Variants in PLD3 observed in about 807,000 individuals in gnomAD.
The protein encoded by PLD3 is 5'-3' exonuclease PLD3.
In PLD3, 31 loss-of-function variants were observed where a neutral mutation model predicts 58.4. The observed-to-expected ratio is 0.53, with a 90% CI of 0.40 to 0.72. The LOEUF is 0.72. Ranked by LOEUF, PLD3 falls within the 30% of genes least tolerant of loss-of-function variation. The pLI, the probability that PLD3 is intolerant of heterozygous loss-of-function variation, is 0.00. For missense variants in PLD3, 595 were observed against 659.8 expected (o/e 0.90, Z 1.08); for synonymous variants, 264 against 273.4 (o/e 0.97, Z 0.34).
chr19:40,374,086 G>A (rs1600334562), intron 9 of PLD3, among the ~76,000 whole-genome samples: 1 of 151,830 alleles, frequency 6.6e-6, no homozygotes, highest in East Asian at 1.9e-4. Flanking sequence ...CCAGATTCCT[G>A]GACCCCACCC....
chr19:40,369,670 G>A (rs1361864174), intron 6 of PLD3, among the ~76,000 whole-genome samples: 2 of 152,224 alleles, frequency 1.3e-5, no homozygotes, highest in Non-Finnish European at 2.9e-5. Flanking sequence ...AGGGGCAGGA[G>A]GGGTCAGGAG....
At chr19:40,365,535 G>A (rs1257015642) in intron 1 of PLD3, 183 bp from the exon 2 acceptor site, 5 of 152,112 alleles carry the variant, frequency 3.3e-5, no homozygotes, top group African/African-American at 9.7e-5. Flanking sequence ...TTTCATTTAT[G>A]TATTTATTTT....
At chr19:40,365,377 T>C (rs1176000829) in intron 1 of PLD3, among the ~76,000 whole-genome samples, 1 of 152,136 alleles carries the variant, frequency 6.6e-6, no homozygotes, top group African/African-American at 2.4e-5. Flanking sequence ...AAAATCTAAA[T>C]AGACTCCAAC....
intron 1 of PLD3, among the ~76,000 whole-genome samples, chr19:40,363,459 G>A (rs1320782075): frequency 3.3e-5 from 5 of 152,016 alleles, no homozygotes; most frequent in East Asian, 1.9e-4. Context: ...ACGGAGTCTC[G>A]CTCTGTTTTA....
chr19:40,369,312 G>A (rs969791206), intron 6 of PLD3, among the ~76,000 whole-genome samples: 1 of 151,758 alleles, frequency 6.6e-6, no homozygotes, highest in Non-Finnish European at 1.5e-5. Flanking sequence ...CGGAATGCTT[G>A]AGCCCAGGGA....
intron 10 of PLD3, chr19:40,376,396 G>C: frequency 3.8e-6 from 2 of 529,226 alleles, no homozygotes; most frequent in South Asian, 5.5e-5. Flanking sequence ...ACAACACTGG[G>C]TTTTGGGGAG....
chr19:40,349,814 C>T (rs796766947), intron 1 of PLD3, among the ~76,000 whole-genome samples: 8 of 150,088 alleles, frequency 5.3e-5, no homozygotes, highest in African/African-American at 1.7e-4. Context: ...CAAAATTAGC[C>T]GGGCGTGGTG....
intron 1 of PLD3, among the ~76,000 whole-genome samples, chr19:40,352,090 G>A (rs557684633): frequency 5.6e-4 from 85 of 152,210 alleles, no homozygotes; most frequent in African/African-American, 1.9e-3. Context: ...TGACCAACAT[G>A]GTGAAACCTC....
chr19:40,367,622 C>T (rs770736169), intron 5 of PLD3, 74 bp from the exon 6 acceptor site: 12 of 1,296,418 alleles, frequency 9.3e-6, no homozygotes, highest in South Asian at 2.7e-5. Context: ...CACCCATGGA[C>T]GGACAGCTGA....
At chr19:40,369,563 G>A (rs886922897) in intron 6 of PLD3, among the ~76,000 whole-genome samples, 3 of 152,026 alleles carry the variant, frequency 2.0e-5, no homozygotes, top group African/African-American at 7.2e-5. Flanking sequence ...TGCCTCACCC[G>A]ATACCTTCCA....
chr19:40,361,046 C>T (rs992390364), intron 1 of PLD3, among the ~76,000 whole-genome samples: 9 of 152,252 alleles, frequency 5.9e-5, no homozygotes, highest in South Asian at 4.2e-4. Context: ...CTGTGCGAGG[C>T]CAAGGCAGGA....
At chr19:40,360,672 C>T (rs1373002942) in intron 1 of PLD3, 1 of 151,982 alleles carries the variant, frequency 6.6e-6, no homozygotes, top group Non-Finnish European at 1.5e-5. Context: ...CCATGCGCCT[C>T]CAGAAGCTGG....
At chr19:40,366,575 C>T in intron 3 of PLD3, 35 bp from the exon 4 acceptor site, 1 of 1,583,854 alleles carries the variant, frequency 6.3e-7, no homozygotes, top group Non-Finnish European at 8.6e-7. Context: ...TTCCCAAGAG[C>T]CACCTGTCAC....
Position 40,367,843 on chromosome 19 carries a change from CAAT to C in PLD3, c.394_396del (p.Asn132del). 1 of 1,576,196 alleles carries C rather than the reference CAAT, an allele frequency of 6.3e-7. No homozygotes were observed. The highest frequency in any genetic ancestry group is 1.1e-5 in the South Asian group (1 of 87,184). On this transcript the variant is annotated inframe_deletion, in exon 6 of 13. Transcript: ENST00000409735. ...CCTCCTTCTACTGGACCCTCACCAA[CAAT>C]GACACCCACACGCAGGAGCCCTCTG...
At position 40,366,520 on chromosome 19, in the gene PLD3, T is replaced by C. The variant is rs200500733; in HGVS notation, c.27+10T>C. 11 of 1,612,770 alleles carry C rather than the reference T, an allele frequency of 6.8e-6. No individual in the cohort carries two copies. Among genetic ancestry groups the C allele is most frequent in the East Asian group, 2.2e-5 (1 of 44,860 alleles). On this transcript the variant is annotated intron_variant, in intron 3 of 12. Coordinates refer to ENST00000409735, the MANE Select transcript of PLD3 (RefSeq NM_012268.4). The stretch of plus-strand genomic sequence containing the variant: ...ACTGATGTACCAGGAGGTAGGTGGA[T>C]TGGGGGGCTCAGCAGGGTGGAACTG...
rs374957426 is a variant in PLD3, at chr19:40,374,489, C to T, written c.888C>T (p.Pro296=). 4 of 1,614,012 alleles carry T rather than the reference C, an allele frequency of 2.5e-6. No homozygotes were observed. In the African/African-American group the frequency reaches 5.3e-5, roughly 22 times the overall value. ...TPALAYLASA[P]PPLCPSGRTP... Reference sequence around the variant, plus strand: ...TGTCCCCTCGCCCTCAGAGTGCGCCCCCACCCCTGTGTCCAAGTGGCCGCA... The same window carrying T: ...TGTCCCCTCGCCCTCAGAGTGCGCCTCCACCCCTGTGTCCAAGTGGCCGCA... The change falls in exon 10 of 13, where the codon CCC becomes CCT. Residue 296 remains proline (P), a synonymous_variant. Coordinates refer to ENST00000409735, the MANE Select transcript of PLD3 (RefSeq NM_012268.4).
chr19:40,361,127 C>T (rs932731780), intron 1 of PLD3, among the ~76,000 whole-genome samples: 4 of 150,076 alleles, frequency 2.7e-5, no homozygotes, highest in East Asian at 2.0e-4. Flanking sequence ...TTTTTTTTTT[C>T]GAGATGGAGT....
At chr19:40,377,745 C>T (rs559509906) in intron 11 of PLD3, 41 bp from the exon 12 acceptor site, 6 of 1,488,142 alleles carry the variant, frequency 4.0e-6, no homozygotes, top group Non-Finnish European at 5.6e-6. Flanking sequence ...TCCGACTCCC[C>T]CTGCCTCTCA....
intron 1 of PLD3, among the ~76,000 whole-genome samples, chr19:40,363,899 G>C (rs927362712): frequency 6.6e-6 from 1 of 152,128 alleles, no homozygotes; most frequent in African/African-American, 2.4e-5. Flanking sequence ...CTAGCTCTGA[G>C]AGTTTTCTTT....
Sources: gnomAD v4.1 joint callset for allele counts (sites outside exome capture counted in the v4.1 genomes callset) on GRCh38, gnomAD v4.1.1 for gene constraint, MANE v1.5 for transcripts, NCBI Gene and HGNC (gene_info 2026-07-23, HGNC 2026-07-21) for gene names.